PCDHGA7: variants seen among roughly 807,000 people sequenced by gnomAD.
The protein encoded by PCDHGA7 is protocadherin gamma-A7.
Under a neutral mutation model 58.3 loss-of-function variants are expected in PCDHGA7, and 44 were observed. The ratio of observed to expected loss-of-function variants is 0.75; its 90% CI spans 0.59 to 0.97. The LOEUF (loss-of-function observed/expected upper bound fraction) is 0.97. PCDHGA7 is among the 50% of genes least tolerant of loss of function. The probability of loss-of-function intolerance (pLI) is 0.00; values close to 1 mark genes in which losing one functional copy is unlikely to be tolerated. For missense variants in PCDHGA7, 1,266 were observed against 1,188.7 expected, an observed-to-expected ratio of 1.06 and a Z score of -0.96; for synonymous variants, 516 against 504.2, an observed-to-expected ratio of 1.02 and a Z score of -0.31.
At chr5:141,449,818 A>G (rs1446661913) in intron 1 of PCDHGA7, among the ~76,000 whole-genome samples, 2 of 151,708 alleles carry the variant, frequency 1.3e-5, no homozygotes, top group Non-Finnish European at 2.9e-5. Flanking sequence ...GTATTTCCTA[A>G]CAAGGACATT....
chr5:141,409,690 A>T (rs778962490), intron 1 of PCDHGA7: 1 of 1,613,354 alleles, frequency 6.2e-7, no homozygotes, highest in South Asian at 1.1e-5. Context: ...CGAGTGACCT[A>T]GAGCCCCTGG....
In PCDHGA7 at chr5:141,489,184, G is replaced by T; in HGVS notation, c.2425-5623G>T. ...TCAGCTGCTGCATTCCAAGCCCTGG[G>T]TCTACCTTGGAGACAGGACAGCACA... On this transcript the variant is annotated intron_variant, in intron 1 of 3. Transcript: ENST00000518325. This position sits in a 1 kb window ranked among gnomAD's most constrained non-coding sequence, Gnocchi z 4.5. 7.8e-7 allele frequency: 1 copy of T among 1,287,330 alleles called. No homozygotes were observed. Among genetic ancestry groups the T allele is most frequent in the Non-Finnish European group, 1.1e-6 (1 of 928,816 alleles). 79.7% of individuals were successfully genotyped at this position (1,287,330 alleles called of 1,614,324 possible).
At position 141,491,049 on chromosome 5, in the gene PCDHGA7, G is replaced by C; in HGVS notation, c.2425-3758G>C. The C allele has an allele frequency of 1.2e-6, 2 of 1,614,116 alleles. No homozygotes were observed. Among genetic ancestry groups the C allele is most frequent in the Admixed American group, 3.3e-5 (2 of 60,024 alleles). On this transcript the variant is annotated intron_variant, in intron 1 of 3. Transcript: ENST00000518325. This position sits in a 1 kb window ranked among gnomAD's most constrained non-coding sequence, Gnocchi z 6.9. ...TGGATGCTGATGCAGGCCACAATGC[G>C]TGGCTCTCCTACTCACTGTTGCCAC...
Position 141,394,604 on chromosome 5 carries a change from C to T in PCDHGA7, c.2424+9281C>T, listed in dbSNP as rs1589234871. On this transcript the variant is annotated intron_variant, in intron 1 of 3. Transcript: ENST00000518325. ...CCAAGGTGGTGGCGGTGGACAGAGA[C>T]TCGGGCCAGAACGCCTGGCTGTCCT... is the stretch of plus-strand genomic sequence containing the variant. 10 of 1,613,590 alleles carry T rather than the reference C, an allele frequency of 6.2e-6. No homozygotes were observed. The East Asian group carries it at 2.0e-4, about 32-fold the overall frequency.
chr5:141,444,494 A>G (rs892854259), intron 1 of PCDHGA7, among the ~76,000 whole-genome samples: 1 of 152,010 alleles, frequency 6.6e-6, no homozygotes, highest in Admixed American at 6.6e-5. Flanking sequence ...ATATTGTGTA[A>G]TACTTTGCTC....
intron 1 of PCDHGA7, chr5:141,410,258 G>T: frequency 6.2e-7 from 1 of 1,614,022 alleles, no homozygotes; most frequent in Non-Finnish European, 8.5e-7. Flanking sequence ...TGACCCCCAG[G>T]CTGAACTGCA....
Position 141,383,566 on chromosome 5 carries a change from T to C in PCDHGA7, c.667T>C (p.Ser223Pro), listed in dbSNP as rs1357683326. The C allele has an allele frequency of 1.2e-6, 2 of 1,613,308 alleles. No individual in the cohort carries two copies. The highest frequency in any genetic ancestry group is 1.7e-6 in the Non-Finnish European group (2 of 1,179,734). ...TASDGGDPPRSSTAHIQVTVV... is the reference protein window; with the variant it reads ...TASDGGDPPRPSTAHIQVTVV... ...CTCTGATGGCGGCGACCCGCCCCGA[T>C]CCAGCACCGCCCACATCCAGGTGAC... Residue 223 changes from serine (S) to proline (P), a missense_variant, in exon 1 of 4, where the codon TCC becomes CCC. Physicochemically the swap from Ser to Pro is moderately conservative, Grantham distance 74 (BLOSUM62 -1). Transcript: ENST00000518325.
chr5:141,511,230 C>A lies in PCDHGA7; in HGVS notation c.*57C>A. On this transcript the variant is annotated 3_prime_UTR_variant, in exon 4 of 4. Transcript: ENST00000518325. ...CCTCTCCCCAACCAGCCCAGCTTCT[C>A]CTTACCTGCACCCAGGCCTCAGAGT... 6.3e-7 allele frequency: 1 copy of A among 1,597,914 alleles called. No homozygotes were observed. The highest frequency in any genetic ancestry group is 1.1e-5 in the South Asian group (1 of 89,144).
intron 2 of PCDHGA7, among the ~76,000 whole-genome samples, chr5:141,497,661 T>A (rs1485909952): frequency 3.3e-5 from 5 of 151,062 alleles, no homozygotes; most frequent in African/African-American, 4.9e-5. Context: ...TGCCTCAGCC[T>A]CCCGAGTAGC....
At position 141,490,258 on chromosome 5, in the gene PCDHGA7, G is replaced by A. The variant is rs776865457; in HGVS notation, c.2425-4549G>A. Reference sequence around the variant, plus strand: ...GGGCCACTGTGTGATTCAAGTGGATGTGGGGGATGTCAATGACAATGCCCC... The same window carrying A: ...GGGCCACTGTGTGATTCAAGTGGATATGGGGGATGTCAATGACAATGCCCC... On this transcript the variant is annotated intron_variant, in intron 1 of 3. Transcript: ENST00000518325. The surrounding 1 kb of genome is among the most constrained non-coding windows in gnomAD (Gnocchi z 5.4). 6.2e-7 allele frequency: 1 copy of A among 1,614,136 alleles called. No homozygotes were observed.
At chr5:141,387,770 T>A in intron 1 of PCDHGA7, 1 of 1,438,412 alleles carries the variant, frequency 7.0e-7, no homozygotes, top group Non-Finnish European at 9.2e-7. Flanking sequence ...AAGAATTTTT[T>A]CTTGAACTGG....
chr5:141,422,973 T>G (rs1157516415), intron 1 of PCDHGA7: 1 of 1,614,102 alleles, frequency 6.2e-7, no homozygotes, highest in Non-Finnish European at 8.5e-7. Flanking sequence ...CGCCCCGCTC[T>G]GCGGAACCTG....
chr5:141,482,514 G>A (rs2099563611), intron 1 of PCDHGA7, among the ~76,000 whole-genome samples: 1 of 130,122 alleles, frequency 7.7e-6, no homozygotes. Flanking sequence ...CCAGAGTACA[G>A]TATGAGACAG....
intron 1 of PCDHGA7, chr5:141,423,923 G>C: frequency 8.0e-7 from 1 of 1,254,744 alleles, no homozygotes; most frequent in Non-Finnish European, 1.0e-6. Flanking sequence ...CAACTATGCT[G>C]GTTTGGTTTG....
At chr5:141,400,904 T>C (rs958521699) in intron 1 of PCDHGA7, among the ~76,000 whole-genome samples, 14 of 152,250 alleles carry the variant, frequency 9.2e-5, no homozygotes, top group African/African-American at 3.4e-4. Context: ...TAATTCATCT[T>C]TTAAAGCAAA....
At chr5:141,435,877 G>A (rs1554127514) in intron 1 of PCDHGA7, among the ~76,000 whole-genome samples, 1 of 152,092 alleles carries the variant, frequency 6.6e-6, no homozygotes, top group Non-Finnish European at 1.5e-5. Flanking sequence ...AAAAGAGATT[G>A]GAAACCCCTT....
At chr5:141,408,375 T>A in intron 1 of PCDHGA7, 1 of 1,613,972 alleles carries the variant, frequency 6.2e-7, no homozygotes, top group Non-Finnish European at 8.5e-7. Context: ...GGGCTCAGTG[T>A]CCTGGATGTG....
intron 1 of PCDHGA7, chr5:141,410,843 C>CTT: frequency 4.6e-6 from 1 of 216,280 alleles, no homozygotes; most frequent in South Asian, 8.0e-5. Flanking sequence ...GATATTTTGT[C>CTT]TTTGTCTTTT....
chr5:141,428,557 C>T (rs2097147196), intron 1 of PCDHGA7: 2 of 242,520 alleles, frequency 8.2e-6, no homozygotes, highest in Non-Finnish European at 1.6e-5. Context: ...AACAGTCCCC[C>T]CACAAGATCT....
Sources: allele counts gnomAD v4.1 joint callset (sites outside exome capture counted in the v4.1 genomes callset), GRCh38; gene constraint gnomAD v4.1.1; non-coding constraint Gnocchi (gnomAD v3.1); transcripts MANE v1.5; gene names NCBI Gene and HGNC (gene_info 2026-07-23, HGNC 2026-07-21).